FBXL13: variants seen among roughly 807,000 people sequenced by gnomAD.
FBXL13 encodes the protein F-box and leucine rich repeat protein 13.
Under a neutral mutation model 83.6 loss-of-function variants are expected in FBXL13, and 67 were observed. The observed-to-expected ratio is 0.80, with a 90% CI of 0.66 to 0.98. The LOEUF (loss-of-function observed/expected upper bound fraction) is 0.98. FBXL13 is among the 50% of genes least tolerant of loss of function. The pLI, the probability that FBXL13 is intolerant of heterozygous loss-of-function variation, is 0.00. For synonymous variants in FBXL13, 272 were observed against 299.5 expected (o/e 0.91, Z 0.95); for missense variants, 822 against 866.5 (o/e 0.95, Z 0.64).
chr7:102,951,038 C>A (rs1398514855), intron 8 of FBXL13, among the ~76,000 whole-genome samples: 1 of 152,016 alleles, frequency 6.6e-6, no homozygotes, highest in East Asian at 1.9e-4. Context: ...TATAGCTTCA[C>A]CAATTGTAAC....
rs940886077 is a variant in FBXL13, at chr7:102,830,863, A to G, written c.1854+1977T>C. ...TTTTCTTCCTTCTTCATATTTTGCT[A>G]ACTCCAAGTTTTTCCTGTTAATTTG... On this transcript the variant is annotated intron_variant, in intron 18 of 19. Coordinates refer to ENST00000313221, the Ensembl canonical transcript of FBXL13. Among the ~76,000 whole-genome samples, 4 of 152,238 alleles carry G rather than the reference A, an allele frequency of 2.6e-5. No homozygotes were observed. The South Asian group carries it at 8.3e-4, about 31-fold the overall frequency.
chr7:102,871,375 T>TA (rs371617908), intron 16 of FBXL13, among the ~76,000 whole-genome samples: 11 of 151,512 alleles, frequency 7.3e-5, no homozygotes, highest in South Asian at 2.1e-4. Flanking sequence ...AGCCAGATTT[T>TA]AAAAAAAAAA....
intron 8 of FBXL13, among the ~76,000 whole-genome samples, chr7:102,940,919 T>C (rs1821303665): frequency 1.3e-5 from 2 of 152,268 alleles, no homozygotes; most frequent in Non-Finnish European, 2.9e-5. Flanking sequence ...TGTAATGTTA[T>C]AAACATTTTG....
intron 8 of FBXL13, among the ~76,000 whole-genome samples, chr7:102,962,552 T>C (rs891089551): frequency 2.6e-5 from 4 of 152,102 alleles, no homozygotes; most frequent in African/African-American, 9.7e-5. Flanking sequence ...ATTGCGGCAT[T>C]ATTCACAAAG....
chr7:102,970,109 T>C (rs1013873959), intron 6 of FBXL13, among the ~76,000 whole-genome samples: 2 of 151,816 alleles, frequency 1.3e-5, no homozygotes, highest in Admixed American at 1.3e-4. Flanking sequence ...AAATTAGTCA[T>C]ATATGGTGGT....
At chr7:102,848,729 C>CACACCCATAAT (rs1804631164) in intron 17 of FBXL13, among the ~76,000 whole-genome samples, 1 of 152,046 alleles carries the variant, frequency 6.6e-6, no homozygotes, top group Non-Finnish European at 1.5e-5. Context: ...CACGGCGCCT[C>CACACCCATAAT]ACACCCATAA....
exon 16 of FBXL13, chr7:102,877,493 G>T (rs879360019): frequency 6.2e-7 from 1 of 1,609,460 alleles, no homozygotes; most frequent in Non-Finnish European, 8.5e-7. Flanking sequence ...GTTCCAGAGA[G>T]ATCTATTGAT....
At chr7:102,859,893 A>C (rs1436000077) in intron 16 of FBXL13, among the ~76,000 whole-genome samples, 1 of 152,240 alleles carries the variant, frequency 6.6e-6, no homozygotes, top group Non-Finnish European at 1.5e-5. Context: ...GGAAGTCACC[A>C]GCATTGCAAG....
chr7:103,004,695 G>A (rs1034866706), intron 6 of FBXL13, among the ~76,000 whole-genome samples: 1 of 152,146 alleles, frequency 6.6e-6, no homozygotes, highest in Non-Finnish European at 1.5e-5. Flanking sequence ...TTTCTGCATG[G>A]TCCCTGGTAA....
intron 18 of FBXL13, among the ~76,000 whole-genome samples, chr7:102,824,607 TCCTGTGTAGCTGGGATTACAGGTGCCCG>T (rs1184574760): frequency 1.3e-5 from 2 of 152,064 alleles, no homozygotes; most frequent in Non-Finnish European, 2.9e-5. Flanking sequence ...CACCTCAGCC[TCCTGTGTAGCTGGGATTACAGGTGCCCG>T]CCACCACGCC....
intron 8 of FBXL13, among the ~76,000 whole-genome samples, chr7:102,954,904 G>A (rs960789047): frequency 6.6e-6 from 1 of 152,098 alleles, no homozygotes; most frequent in South Asian, 2.1e-4. Context: ...AGTCTGTAGA[G>A]ACCTACAAAG....
At chr7:102,884,242 A>G in exon 12 of FBXL13, 1 of 1,613,778 alleles carries the variant, frequency 6.2e-7, no homozygotes, top group Non-Finnish European at 8.5e-7. Context: ...CAGAGTTGGC[A>G]TGTCATTAAT....
intron 7 of FBXL13, among the ~76,000 whole-genome samples, chr7:102,964,563 C>T (rs1050080089): frequency 4.0e-5 from 6 of 151,452 alleles, no homozygotes; most frequent in African/African-American, 9.7e-5. Context: ...CCACCATGCC[C>T]GGCTAATTTT....
At chr7:103,027,893 G>T (rs1794116877) in intron 4 of FBXL13, among the ~76,000 whole-genome samples, 1 of 152,126 alleles carries the variant, frequency 6.6e-6, no homozygotes, top group East Asian at 1.9e-4. Flanking sequence ...TCATAAGGTA[G>T]CATTTAGATC....
chr7:102,823,808 AAG>A (rs1431412708), intron 18 of FBXL13, among the ~76,000 whole-genome samples: 1 of 152,358 alleles, frequency 6.6e-6, no homozygotes, highest in Non-Finnish European at 1.5e-5. Flanking sequence ...AGTTTGGAAA[AAG>A]AGACGTTGCC....
In FBXL13 at chr7:103,056,426, G is replaced by A. The variant is rs548089570; in HGVS notation, c.-104-679C>T. 3.4e-4 allele frequency among the ~76,000 whole-genome samples: 51 copies of A among 152,032 alleles called. 1 individual carries two copies. In the East Asian group the frequency reaches 8.3e-3, roughly 25 times the overall value. On this transcript the variant is annotated intron_variant, in intron 1 of 19. Coordinates refer to ENST00000313221, the Ensembl canonical transcript of FBXL13. ...ACTACTGATCAAATGGTAGTTCTAC[G>A]TTTAGTTCTTTAAGGACTCTCCACA...
chr7:103,005,776 A>G (rs773269574), intron 6 of FBXL13, among the ~76,000 whole-genome samples: 1 of 152,174 alleles, frequency 6.6e-6, no homozygotes, highest in Non-Finnish European at 1.5e-5. Flanking sequence ...TACATTGAGG[A>G]CCAGGGATTC....
intron 11 of FBXL13, among the ~76,000 whole-genome samples, chr7:102,906,502 G>T (rs1813775774): frequency 6.6e-6 from 1 of 152,168 alleles, no homozygotes; most frequent in African/African-American, 2.4e-5. Context: ...CTTTCCGATT[G>T]AAGTACTCCC....
At chr7:103,062,272 T>G (rs1797998346) in intron 1 of FBXL13, among the ~76,000 whole-genome samples, 1 of 152,168 alleles carries the variant, frequency 6.6e-6, no homozygotes, top group African/African-American at 2.4e-5. Context: ...CAGTCCTTGT[T>G]TGTCTGTAAA....
Sources: allele counts gnomAD v4.1 joint callset (sites outside exome capture counted in the v4.1 genomes callset), GRCh38; gene constraint gnomAD v4.1.1; transcripts MANE v1.5; gene names NCBI Gene and HGNC (gene_info 2026-07-23, HGNC 2026-07-21).